Variants in ROBO3 observed in about 807,000 individuals in gnomAD.
The protein encoded by ROBO3 is roundabout homolog 3.
In ROBO3, 97 loss-of-function variants were observed where a neutral mutation model predicts 160.5. That is an observed-to-expected ratio of 0.60 (90% CI 0.51 to 0.72). The LOEUF is 0.72. ROBO3 is among the 30% of genes least tolerant of loss of function. The probability of loss-of-function intolerance (pLI) is 0.00; values close to 1 mark genes in which losing one functional copy is unlikely to be tolerated. For missense variants in ROBO3, 1,858 were observed against 1,846.5 expected, an observed-to-expected ratio of 1.01 and a Z score of -0.11; for synonymous variants, 780 against 746.2, an observed-to-expected ratio of 1.05 and a Z score of -0.74.
At position 124,879,811 on chromosome 11, in the gene ROBO3, C is replaced by T. The variant is rs538386138; in HGVS notation, c.3821C>T (p.Pro1274Leu). The T allele has an allele frequency of 9.5e-5, 153 of 1,613,878 alleles. 1 individual carries two copies. The South Asian group carries it at 1.2e-3, about 13-fold the overall frequency. Residue 1274 changes from proline (P) to leucine (L), a missense_variant, in exon 26 of 28, where the codon CCG (proline) becomes CTG (leucine). Transcript: ENST00000397801. The stretch of plus-strand genomic sequence containing the variant: ...GACTTGCCCCCACCACCCTTGCCAC[C>T]GCCAGAGGAAGAGGCGAGCTGGGCC... Reference protein sequence around the residue: ...PGDLPPPPLPPPEEEASWALE... With the variant: ...PGDLPPPPLPLPEEEASWALE...
In ROBO3 at chr11:124,878,565, C is replaced by G; in HGVS notation, c.3321-19C>G. 5 of 1,607,892 alleles carry G rather than the reference C, an allele frequency of 3.1e-6. No individual in the cohort carries two copies. The highest frequency in any genetic ancestry group is 4.2e-6 in the Non-Finnish European group (5 of 1,177,064). On this transcript the variant is annotated intron_variant, in intron 22 of 27. Coordinates refer to ENST00000397801, the MANE Select transcript of ROBO3 (RefSeq NM_022370.4). The surrounding 1 kb of genome is among the most constrained non-coding windows in gnomAD (Gnocchi z 4.3). ...AAGCAGCTGAGCCCTTTCCTTCTCT[C>G]CTGCCTCTTTGATCCCAGCTCAGAG...
intron 1 of ROBO3, among the ~76,000 whole-genome samples, chr11:124,866,318 G>A (rs1385216066): frequency 6.6e-6 from 1 of 152,190 alleles, no homozygotes; most frequent in African/African-American, 2.4e-5. Flanking sequence ...AGCTGTGGCG[G>A]GCGGGCGGAG....
At chr11:124,875,383 G>A in intron 14 of ROBO3, 47 bp downstream of exon 14, 2 of 1,526,228 alleles carry the variant, frequency 1.3e-6, no homozygotes, top group Non-Finnish European at 9.0e-7. Context: ...GGAAGAAGGG[G>A]TGGGGGTGGA....
chr11:124,877,393 GA>G, intron 19 of ROBO3, 84 bp downstream of exon 19: 1 of 1,584,992 alleles, frequency 6.3e-7, no homozygotes, highest in Non-Finnish European at 8.7e-7. Flanking sequence ...CAGGTGGAGG[GA>G]GCATGGCCAC....
rs1264614080 is a variant in ROBO3 at position 124,878,043 on chromosome 11, C to A, written c.3093C>A (p.Thr1031=). 6.2e-7 allele frequency: 1 copy of A among 1,612,714 alleles called. No individual in the cohort carries two copies. Among genetic ancestry groups the A allele is most frequent in the Non-Finnish European group, 8.5e-7 (1 of 1,179,442 alleles). ...TIDPAGEELQ[T]FHGGFPQHPS... is the part of the protein sequence containing the mutation. ...ACCCAGCGGGGGAGGAGCTGCAGAC[C>A]TTCCATGGGGGCTTCCCCCAACATC... The change falls in exon 21 of 28, where the codon ACC becomes ACA. Residue 1031 remains threonine (T), a synonymous_variant. Coordinates refer to ENST00000397801, the MANE Select transcript of ROBO3 (RefSeq NM_022370.4). The surrounding 1 kb of genome is among the most constrained non-coding windows in gnomAD (Gnocchi z 4.3).
chr11:124,868,795 TC>T lies in ROBO3; in HGVS notation c.161-3del, dbSNP rs2135324270. On this transcript the variant is annotated splice_polypyrimidine_tract_variant and splice_region_variant and intron_variant, in intron 1 of 27. Transcript: ENST00000397801. ...TCTGAACGCTCTGCGCCACCCCCTG[TC>T]CCCAGGGTCAAGGGTAGGACCGGAG... 1.2e-6 allele frequency: 2 copies of T among 1,602,898 alleles called. No homozygotes were observed. Among genetic ancestry groups the T allele is most frequent in the Admixed American group, 1.7e-5 (1 of 58,738 alleles).
rs1946515117 is a variant in ROBO3, at chr11:124,879,741, T to C, written c.3797-46T>C. On this transcript the variant is annotated intron_variant, in intron 25 of 27. Coordinates refer to ENST00000397801, the MANE Select transcript of ROBO3 (RefSeq NM_022370.4). The stretch of plus-strand genomic sequence containing the variant: ...GGAATGCAGGTGAGAGAAAGATTAG[T>C]GACAGGAGTGGCAGGAGGCTCCGCT... 3.7e-6 allele frequency: 6 copies of C among 1,609,784 alleles called. No individual in the cohort carries two copies. In the East Asian group the frequency reaches 1.3e-4, roughly 36 times the overall value.
chr11:124,875,034 G>C, intron 13 of ROBO3, 77 bp from the exon 14 acceptor site: 1 of 1,513,720 alleles, frequency 6.6e-7, no homozygotes, highest in Non-Finnish European at 8.9e-7. Flanking sequence ...TGGGAGGAGG[G>C]GCTGGGCCTG....
At position 124,872,483 on chromosome 11, in the gene ROBO3, T is replaced by C; in HGVS notation, c.1261T>C (p.Tyr421His). 6.2e-7 allele frequency: 1 copy of C among 1,613,958 alleles called. No homozygotes were observed. The change falls in exon 8 of 28, where the codon TAC becomes CAC. Residue 421 changes from tyrosine (Y) to histidine (H), a missense_variant. Transcript: ENST00000397801. This position sits in a 1 kb window ranked among gnomAD's most constrained non-coding sequence, Gnocchi z 4.3. Reference protein sequence around the residue: ...ITAVQRGDAGYYVCQAVSVAG... With the variant: ...ITAVQRGDAGHYVCQAVSVAG... ...CGCGGTGCAGCGTGGGGATGCTGGG[T>C]ACTACGTGTGCCAGGCTGTCAGTGT...
In ROBO3 at chr11:124,865,644, A is replaced by T. The variant is rs375560854; in HGVS notation, c.67A>T (p.Ile23Phe). Residue 23 changes from isoleucine (I) to phenylalanine (F), a missense_variant, in exon 1 of 28, where the codon ATC becomes TTC. Transcript: ENST00000397801. The surrounding 1 kb of genome is among the most constrained non-coding windows in gnomAD (Gnocchi z 5.5). ...NLFADSLAGDISNSSELLLGF... is the reference protein window; with the variant it reads ...NLFADSLAGDFSNSSELLLGF... ...GTTCGCGGACTCTCTGGCCGGGGACATCTCCAACTCCAGCGAGCTGCTCTT... is the reference window on the plus strand; with the variant it reads ...GTTCGCGGACTCTCTGGCCGGGGACTTCTCCAACTCCAGCGAGCTGCTCTT... 9.9e-6 allele frequency: 16 copies of T among 1,612,888 alleles called. No individual in the cohort carries two copies. In the African/African-American group the frequency reaches 1.6e-4, roughly 16 times the overall value.
intron 12 of ROBO3, 104 bp from the exon 13 acceptor site, chr11:124,874,684 C>T (rs765927238): frequency 2.2e-6 from 3 of 1,367,116 alleles, no homozygotes; most frequent in South Asian, 1.5e-5. Flanking sequence ...GGGGTGTGCT[C>T]TGGAGTACTA....
chr11:124,878,298 G>A lies in ROBO3; in HGVS notation c.3182G>A (p.Gly1061Glu), dbSNP rs1359632895. The change falls in exon 22 of 28, where the codon GGA becomes GAA. Residue 1061 changes from glycine to glutamate, a missense_variant and splice_region_variant. Coordinates refer to ENST00000397801, the MANE Select transcript of ROBO3 (RefSeq NM_022370.4). The surrounding 1 kb of genome is among the most constrained non-coding windows in gnomAD (Gnocchi z 4.3). ...APPEWSQGDS[G>E]AKGGKVKLLG... ...GGTGTCCCCATCCTATTCTCCTCAGGAGCCAAGGGAGGCAAAGTGAAGCTT... is the reference window on the plus strand; with the variant it reads ...GGTGTCCCCATCCTATTCTCCTCAGAAGCCAAGGGAGGCAAAGTGAAGCTT... The A allele has an allele frequency of 6.2e-7, 1 of 1,612,794 alleles. No individual in the cohort carries two copies.
chr11:124,866,270 T>C (rs1297788679), intron 1 of ROBO3, among the ~76,000 whole-genome samples: 1 of 152,228 alleles, frequency 6.6e-6, no homozygotes, highest in Non-Finnish European at 1.5e-5. Context: ...GAAGTTTGTC[T>C]TTCAGCGGCG....
chr11:124,869,217 A>G lies in ROBO3; in HGVS notation c.487+89A>G. ...GCAATCAGACCCAGAACCAGCCCCAAAGGACTTCAGCCCACTCAGCATCCT... is the reference window on the plus strand; with the variant it reads ...GCAATCAGACCCAGAACCAGCCCCAGAGGACTTCAGCCCACTCAGCATCCT... On this transcript the variant is annotated intron_variant, in intron 2 of 27. Transcript: ENST00000397801. This position sits in a 1 kb window ranked among gnomAD's most constrained non-coding sequence, Gnocchi z 4.2. 7.3e-7 allele frequency: 1 copy of G among 1,376,986 alleles called. No homozygotes were observed. The highest frequency in any genetic ancestry group is 9.9e-7 in the Non-Finnish European group (1 of 1,007,600). 85.3% of individuals were successfully genotyped at this position (1,376,986 alleles called of 1,614,324 possible). A position where few individuals can be genotyped will look rare whatever the true frequency, so the allele number is the denominator to read the frequency against.
rs1306906297 is a variant in ROBO3, at chr11:124,879,214, C to T, written c.3558C>T (p.Ser1186=). The change falls in exon 24 of 28, where the codon TCC becomes TCT. Residue 1186 remains serine, a synonymous_variant. Transcript: ENST00000397801. ...MPRRVPLGPS[S]PLSVSQPMLG... is the part of the protein sequence containing the mutation. ...GGAGGGTGCCCCTTGGGCCGAGTTC[C>T]CCTCTCAGTGTATCCCAGCCCATGC... The T allele has an allele frequency of 2.6e-6, 4 of 1,552,870 alleles. No homozygotes were observed. In the African/African-American group the frequency reaches 5.5e-5, roughly 21 times the overall value.
Position 124,876,733 on chromosome 11 carries a change from G to A in ROBO3, c.2779+273G>A. ...CAGGCTTTGCAACCATCTCCATAAA[G>A]AAGGGGCAAGTTCGAGGACGGAAAG... On this transcript the variant is annotated intron_variant, in intron 17 of 27. Transcript: ENST00000397801. This position sits in a 1 kb window ranked among gnomAD's most constrained non-coding sequence, Gnocchi z 5.3. The A allele has an allele frequency of 3.6e-6, 1 of 280,286 alleles. No individual in the cohort carries two copies. The highest frequency in any genetic ancestry group is 6.7e-6 in the Non-Finnish European group (1 of 148,900). The allele number at this position is 280,286 out of a possible 1,614,324, so 17.4% of individuals were successfully genotyped here. A position where few individuals can be genotyped will look rare whatever the true frequency, so the allele number is the denominator to read the frequency against.
chr11:124,865,570 G>C lies in ROBO3; in HGVS notation c.-8G>C. On this transcript the variant is annotated 5_prime_UTR_variant, in exon 1 of 28. Transcript: ENST00000397801. This position sits in a 1 kb window ranked among gnomAD's most constrained non-coding sequence, Gnocchi z 5.5. ...AGCCCCCAGTCCCGATCCCAGCTGGGTCGAGCCATGCTGCGCTACCTGCTG... is the reference window on the plus strand; with the variant it reads ...AGCCCCCAGTCCCGATCCCAGCTGGCTCGAGCCATGCTGCGCTACCTGCTG... 1 of 1,610,366 alleles carries C rather than the reference G, an allele frequency of 6.2e-7. No homozygotes were observed. Among genetic ancestry groups the C allele is most frequent in the Non-Finnish European group, 8.5e-7 (1 of 1,179,520 alleles).
In ROBO3 at chr11:124,879,958, G is replaced by GCTTA; in HGVS notation, c.3958+11_3958+12insTTAC. On this transcript the variant is annotated intron_variant, in intron 26 of 27. Transcript: ENST00000397801. ...GTGCTCCACCCAGATGGTAAGCAGGGCCAGGGCAGGCAGGAGGGCTGCTGC... is the reference window on the plus strand; with the variant it reads ...GTGCTCCACCCAGATGGTAAGCAGGGCTTACCAGGGCAGGCAGGAGGGCTGCTGC... 6.4e-7 allele frequency: 1 copy of GCTTA among 1,555,580 alleles called. No homozygotes were observed. The highest frequency in any genetic ancestry group is 8.7e-7 in the Non-Finnish European group (1 of 1,149,414).
At position 124,869,527 on chromosome 11, in the gene ROBO3, C is replaced by G; in HGVS notation, c.565C>G (p.Pro189Ala). The G allele has an allele frequency of 6.5e-7, 1 of 1,535,436 alleles. No homozygotes were observed. ...GGAGCCAGCAGTACTGGAATGCGTG[C>G]CCCCCCGCGGCCACCCGGAGCCTTC... ...VGEPAVLECV[P>A]PRGHPEPSVS... Residue 189 changes from proline (P) to alanine (A), a missense_variant, in exon 3 of 28, where the codon CCC (proline) becomes GCC (alanine). Pro to Ala is a conservative substitution (Grantham distance 27). Transcript: ENST00000397801. This position sits in a 1 kb window ranked among gnomAD's most constrained non-coding sequence, Gnocchi z 4.2.
Sources: allele counts gnomAD v4.1 joint callset (sites outside exome capture counted in the v4.1 genomes callset), GRCh38; gene constraint gnomAD v4.1.1; non-coding constraint Gnocchi (gnomAD v3.1); transcripts MANE v1.5; gene names NCBI Gene and HGNC (gene_info 2026-07-23, HGNC 2026-07-21).